TICRR: variants seen among roughly 807,000 people sequenced by gnomAD.
TICRR encodes TOPBP1 interacting checkpoint and replication regulator, also known as treslin.
Under a neutral mutation model 178.1 loss-of-function variants are expected in TICRR, and 132 were observed. That is an observed-to-expected ratio of 0.74 (90% confidence interval 0.64 to 0.86). The LOEUF (loss-of-function observed/expected upper bound fraction) is 0.86. Among genes scored for constraint, TICRR ranks in the 40% least tolerant of loss-of-function variants. The probability of loss-of-function intolerance (pLI) is 0.00; values close to 1 mark genes in which losing one functional copy is unlikely to be tolerated. For synonymous variants in TICRR, 991 were observed against 900.7 expected (o/e 1.10, Z -1.79); for missense variants, 2,587 against 2,334.3 (o/e 1.11, Z -2.23).
chr15:89,590,442 A>C (rs1306116523), intron 4 of TICRR, among the ~76,000 whole-genome samples: 1 of 152,224 alleles, frequency 6.6e-6, no homozygotes, highest in Non-Finnish European at 1.5e-5. Context: ...CTATTTATAT[A>C]GTCTTGGAAG....
chr15:89,606,460 G>A lies in TICRR; in HGVS notation c.2665-308G>A, dbSNP rs924158168. 5.3e-5 allele frequency among the ~76,000 whole-genome samples: 8 copies of A among 152,190 alleles called. No homozygotes were observed. In the South Asian group the frequency reaches 1.7e-3, roughly 31 times the overall value. On this transcript the variant is annotated intron_variant, in intron 13 of 21. Coordinates refer to ENST00000268138, the MANE Select transcript of TICRR (RefSeq NM_152259.4). ...GATTTTGGAGCATATTGGATTTTCA[G>A]ATTAGGGATGCTCAACCATATATAG...
chr15:89,604,648 G>A (rs1195122091), intron 13 of TICRR, among the ~76,000 whole-genome samples: 1 of 151,894 alleles, frequency 6.6e-6, no homozygotes, highest in African/African-American at 2.4e-5. Context: ...GTGCACTCCT[G>A]TAGTCCCAGC....
At chr15:89,614,210 G>T (rs1340104756) in intron 15 of TICRR, among the ~76,000 whole-genome samples, 1 of 151,992 alleles carries the variant, frequency 6.6e-6, no homozygotes, top group Non-Finnish European at 1.5e-5. Context: ...CCAATGTCTG[G>T]ACTTTCTCAG....
At chr15:89,610,332 ATTATT>A (rs544370763) in intron 15 of TICRR, among the ~76,000 whole-genome samples, 141 of 152,226 alleles carry the variant, frequency 9.3e-4, no homozygotes, top group Middle Eastern at 3.4e-3. Flanking sequence ...TTATTGTTGA[ATTATT>A]TATTTCTCCC....
chr15:89,594,563 C>A lies in TICRR; in HGVS notation c.1681+9C>A. 6.5e-7 allele frequency: 1 copy of A among 1,546,676 alleles called. No individual in the cohort carries two copies. Among genetic ancestry groups the A allele is most frequent in the South Asian group, 1.3e-5 (1 of 78,670 alleles). On this transcript the variant is annotated intron_variant, in intron 6 of 21. Transcript: ENST00000268138. ...AGACAGCAAAAAGAAACGTATGTAC[C>A]TAGAAAGGCTGTTTCTTAAGGCATT...
At position 89,624,136 on chromosome 15, in the gene TICRR, C is replaced by G. The variant is rs140978691; in HGVS notation, c.3826C>G (p.Arg1276Gly). 1 of 1,613,744 alleles carries G rather than the reference C, an allele frequency of 6.2e-7. No homozygotes were observed. The change falls in exon 20 of 22, where the codon CGG becomes GGG. Residue 1276 changes from arginine to glycine, a missense_variant. Arg to Gly is a moderately radical substitution (Grantham distance 125, BLOSUM62 -2). Transcript: ENST00000268138. ...HQQPHVLRAA[R>G]AEEPAQKLKD... ...ACAGCCCCATGTCCTCAGAGCTGCT[C>G]GGGCAGAGGAACCAGCCCAGAAACT...
rs376587613 is a variant in TICRR, at chr15:89,624,282, A to C, written c.3972A>C (p.Pro1324=). ...SPLCDVSKKS[P]FRKSKIECPS... is the part of the protein sequence containing the mutation. ...TATGTGATGTCTCCAAGAAGAGTCC[A>C]TTTAGGAAATCTAAAATAGAGTGTC... Residue 1324 remains proline (P), a synonymous_variant, in exon 20 of 22, where the codon CCA becomes CCC. Transcript: ENST00000268138. 8.7e-6 allele frequency: 14 copies of C among 1,614,208 alleles called. No individual in the cohort carries two copies. In the Admixed American group the frequency reaches 2.0e-4, roughly 23 times the overall value.
chr15:89,593,898 T>G (rs978094031), intron 5 of TICRR, among the ~76,000 whole-genome samples: 1 of 152,238 alleles, frequency 6.6e-6, no homozygotes, highest in Admixed American at 6.5e-5. Context: ...ATAATTTCCT[T>G]AATGACAGAT....
chr15:89,598,607 A>T (rs1596046821), intron 7 of TICRR, among the ~76,000 whole-genome samples: 1 of 150,436 alleles, frequency 6.6e-6, no homozygotes, highest in African/African-American at 2.4e-5. Context: ...CAGGTGATCC[A>T]CCCACCTCGG....
At position 89,580,689 on chromosome 15, in the gene TICRR, A is replaced by G. The variant is rs1043750657; in HGVS notation, c.655-1997A>G. Among the ~76,000 whole-genome samples the G allele has an allele frequency of 6.6e-5, 10 of 152,186 alleles. No individual in the cohort carries two copies. The South Asian group carries it at 1.4e-3, about 22-fold the overall frequency. On this transcript the variant is annotated intron_variant, in intron 1 of 21. Coordinates refer to ENST00000268138, the MANE Select transcript of TICRR (RefSeq NM_152259.4). ...TTTAATGCTGATCATAAACCACTCA[A>G]TCCATCAGAGAATCTATCAAAGTCC...
chr15:89,586,482 A>G (rs945840105), intron 4 of TICRR, among the ~76,000 whole-genome samples: 2 of 152,342 alleles, frequency 1.3e-5, no homozygotes, highest in Non-Finnish European at 2.9e-5. Flanking sequence ...AACAAAATGG[A>G]CAAAGATGTC....
At chr15:89,591,067 C>T (rs1239954270) in intron 4 of TICRR, among the ~76,000 whole-genome samples, 1 of 152,184 alleles carries the variant, frequency 6.6e-6, no homozygotes, top group Admixed American at 6.5e-5. Context: ...CTCAGTGCAG[C>T]AGAACTGTGA....
chr15:89,579,487 AG>A (rs1355767300), intron 1 of TICRR, among the ~76,000 whole-genome samples: 22 of 152,096 alleles, frequency 1.4e-4, no homozygotes, highest in Non-Finnish European at 5.9e-5. Context: ...CTGGGATTAC[AG>A]GCGCTTGCCA....
At position 89,627,286 on chromosome 15, in the gene TICRR, G is replaced by C. The variant is rs1425231321; in HGVS notation, c.*200G>C. On this transcript the variant is annotated 3_prime_UTR_variant, in exon 22 of 22. Coordinates refer to ENST00000268138, the MANE Select transcript of TICRR (RefSeq NM_152259.4). ...CCCCTTGTTGGGGAAGTTGCAGGAG[G>C]AGAGGTGGATGGCAATGTGATTGGT... The C allele has an allele frequency of 1.6e-6, 1 of 637,936 alleles. No individual in the cohort carries two copies. Among genetic ancestry groups the C allele is most frequent in the Non-Finnish European group, 2.6e-6 (1 of 383,018 alleles). 39.5% of individuals were successfully genotyped at this position (637,936 alleles called of 1,614,324 possible).
At chr15:89,585,097 C>T (rs372955740) in intron 3 of TICRR, among the ~76,000 whole-genome samples, 3 of 152,196 alleles carry the variant, frequency 2.0e-5, no homozygotes, top group African/African-American at 7.2e-5. Flanking sequence ...CTTTTGCCTT[C>T]ATACTCTCAG....
chr15:89,602,892 AG>A lies in TICRR; in HGVS notation c.2664+1del. On this transcript the variant is annotated splice_donor_variant, in intron 13 of 21. Transcript: ENST00000268138. LOFTEE classifies it high-confidence loss of function. ...AAGTGTCAAAGAGAGCTACGAAAAA[AG>A]TAAGTAAACCTTCCAGCTTGAGATG... is the stretch of plus-strand genomic sequence containing the variant. 4 of 1,506,648 alleles carry A rather than the reference AG, an allele frequency of 2.7e-6. No individual in the cohort carries two copies. The highest frequency in any genetic ancestry group is 3.6e-6 in the Non-Finnish European group (4 of 1,125,566). 93.3% of individuals were successfully genotyped at this position (1,506,648 alleles called of 1,614,324 possible). A position where few individuals can be genotyped will look rare whatever the true frequency, so the allele number is the denominator to read the frequency against.
intron 13 of TICRR, among the ~76,000 whole-genome samples, chr15:89,603,821 T>C (rs907721104): frequency 2.0e-5 from 3 of 152,174 alleles, no homozygotes; most frequent in Admixed American, 6.5e-5. Flanking sequence ...TTAACAACAA[T>C]AGTAAAATAG....
chr15:89,622,864 C>T (rs1027837044), intron 19 of TICRR, among the ~76,000 whole-genome samples: 28 of 152,218 alleles, frequency 1.8e-4, no homozygotes, highest in African/African-American at 6.3e-4. Flanking sequence ...AGCTTGAAGA[C>T]CTGATCCAGG....
chr15:89,582,429 C>T, intron 1 of TICRR: 3 of 401,958 alleles, frequency 7.5e-6, no homozygotes, highest in Non-Finnish European at 1.3e-5. Flanking sequence ...CTTTCTGTTC[C>T]TTGACAAAAA....
Sources: gnomAD v4.1 joint callset for allele counts (sites outside exome capture counted in the v4.1 genomes callset) on GRCh38, gnomAD v4.1.1 for gene constraint, MANE v1.5 for transcripts, NCBI Gene and HGNC (gene_info 2026-07-23, HGNC 2026-07-21) for gene names.